TRIM33: variants seen among roughly 807,000 people sequenced by gnomAD.
TRIM33 encodes E3 ubiquitin-protein ligase TRIM33.
TRIM33 carries 20 observed loss-of-function variants against 125.4 expected under a neutral mutation model. The ratio of observed to expected loss-of-function variants is 0.16; its 90% CI spans 0.11 to 0.23. The LOEUF is 0.23. TRIM33 is among the 10% of genes least tolerant of loss of function. TRIM33 has a pLI of 1.00. For missense variants in TRIM33, 920 were observed against 1,411.4 expected, an observed-to-expected ratio of 0.65 and a Z score of 5.58; for synonymous variants, 564 against 513.9, an observed-to-expected ratio of 1.10 and a Z score of -1.32.
intron 4 of TRIM33, among the ~76,000 whole-genome samples, chr1:114,454,098 T>C (rs554372192): frequency 2.0e-4 from 31 of 152,168 alleles, no homozygotes; most frequent in Admixed American, 1.1e-3. Context: ...ATCTTACAAG[T>C]GGTGTCAGAA....
intron 11 of TRIM33, among the ~76,000 whole-genome samples, chr1:114,417,721 C>T (rs549799713): frequency 5.3e-5 from 8 of 152,206 alleles, no homozygotes; most frequent in African/African-American, 1.4e-4. Context: ...TGCAATGGCG[C>T]GATCTCGGCT....
intron 4 of TRIM33, among the ~76,000 whole-genome samples, chr1:114,460,541 T>C (rs1371083198): frequency 1.3e-5 from 2 of 149,092 alleles, no homozygotes; most frequent in Non-Finnish European, 3.0e-5. Context: ...GGCATGATAA[T>C]GAGGCTCCCT....
In TRIM33 at chr1:114,410,240, G is replaced by A. The variant is rs910064323; in HGVS notation, c.2138C>T (p.Pro713Leu). ...TGGAGAAGGATTCATGGTGCTTGTA[G>A]GCTGTGGGGGTAGGTGACTGCCTGA... is the stretch of plus-strand genomic sequence containing the variant. ...YISGSHLPPQ[P>L]TSTMNPSPGP... The change falls in exon 12 of 20, where the codon CCT becomes CTT. Residue 713 changes from proline to leucine, a missense_variant. Transcript: ENST00000358465. 6.2e-7 allele frequency: 1 copy of A among 1,614,032 alleles called. No individual in the cohort carries two copies. The highest frequency in any genetic ancestry group is 8.5e-7 in the Non-Finnish European group (1 of 1,179,966).
chr1:114,438,910 A>G (rs934290163), intron 4 of TRIM33, among the ~76,000 whole-genome samples: 4 of 152,208 alleles, frequency 2.6e-5, no homozygotes, highest in Non-Finnish European at 5.9e-5. Flanking sequence ...TGAAGGGGAG[A>G]TGATAACAAC....
chr1:114,510,098 C>T (rs2101594794), intron 1 of TRIM33, among the ~76,000 whole-genome samples: 1 of 152,228 alleles, frequency 6.6e-6, no homozygotes, highest in East Asian at 1.9e-4. Flanking sequence ...CTCCTCTCTC[C>T]TATCTGTGAA....
rs1651579480 is a variant in TRIM33 at position 114,397,164 on chromosome 1, T to G, written c.*484A>C. The G allele has an allele frequency of 4.3e-6, 1 of 230,294 alleles. No homozygotes were observed. The highest frequency in any genetic ancestry group is 8.6e-6 in the Non-Finnish European group (1 of 115,680). The allele number at this position is 230,294 out of a possible 1,614,324, so 14.3% of individuals were successfully genotyped here. ...TCTGCACTGACATTAAAGTAGAATC[T>G]GAGCTACTTGGGTTTTTAACTAGAA... is the stretch of plus-strand genomic sequence containing the variant. On this transcript the variant is annotated 3_prime_UTR_variant, in exon 20 of 20. Coordinates refer to ENST00000358465, the MANE Select transcript of TRIM33 (RefSeq NM_015906.4).
intron 1 of TRIM33, among the ~76,000 whole-genome samples, chr1:114,489,021 G>A (rs1221931774): frequency 6.6e-6 from 1 of 152,188 alleles, no homozygotes; most frequent in Non-Finnish European, 1.5e-5. Flanking sequence ...CTGCACTACA[G>A]CCTGGGTGAC....
intron 1 of TRIM33, among the ~76,000 whole-genome samples, chr1:114,505,492 C>CTACATTCAGAGGTTTTCCCTCCCACT (rs1652944325): frequency 6.6e-6 from 1 of 151,250 alleles, no homozygotes; most frequent in African/African-American, 2.4e-5. Context: ...GCTCTTCACA[C>CTACATTCAGAGGTTTTCCCTCCCACT]TACACTCAGA....
intron 4 of TRIM33, among the ~76,000 whole-genome samples, chr1:114,447,005 G>A (rs879594518): frequency 2.6e-5 from 4 of 152,290 alleles, no homozygotes; most frequent in Admixed American, 2.6e-4. Flanking sequence ...GAAAGCCAGT[G>A]TAGCTGTAGC....
chr1:114,495,323 G>C (rs2101549627), intron 1 of TRIM33, among the ~76,000 whole-genome samples: 1 of 152,154 alleles, frequency 6.6e-6, no homozygotes, highest in Middle Eastern at 3.4e-3. Context: ...TGTGCTATCA[G>C]CTTAACATGG....
chr1:114,466,749 T>C (rs1299620113), intron 1 of TRIM33, among the ~76,000 whole-genome samples: 1 of 152,176 alleles, frequency 6.6e-6, no homozygotes, highest in Non-Finnish European at 1.5e-5. Flanking sequence ...CTTTTCTCTT[T>C]GCTGATTTTA....
chr1:114,414,505 AAT>A (rs1652805773), intron 11 of TRIM33, among the ~76,000 whole-genome samples: 1 of 152,046 alleles, frequency 6.6e-6, no homozygotes, highest in South Asian at 2.1e-4. Flanking sequence ...CCTTTTTCCT[AAT>A]AAAATTTACT....
intron 1 of TRIM33, among the ~76,000 whole-genome samples, chr1:114,485,586 G>A (rs1651632413): frequency 6.6e-6 from 1 of 152,116 alleles, no homozygotes; most frequent in Non-Finnish European, 1.5e-5. Flanking sequence ...TGACAAGGTG[G>A]TATGAGTTGG....
chr1:114,399,414 A>G, intron 18 of TRIM33, 43 bp downstream of exon 18: 2 of 1,552,164 alleles, frequency 1.3e-6, no homozygotes, highest in Non-Finnish European at 1.7e-6. Flanking sequence ...GAAACAAACA[A>G]AAACTAACAA....
At chr1:114,458,218 C>T (rs1168250649) in intron 4 of TRIM33, among the ~76,000 whole-genome samples, 1 of 152,162 alleles carries the variant, frequency 6.6e-6, no homozygotes, top group Admixed American at 6.5e-5. Flanking sequence ...ACAGTAGGAG[C>T]CTAAATTCTG....
chr1:114,440,952 T>C (rs562494442), intron 4 of TRIM33, among the ~76,000 whole-genome samples: 1 of 152,340 alleles, frequency 6.6e-6, no homozygotes, highest in African/African-American at 2.4e-5. Context: ...ACACAGTTTC[T>C]TTAGGTATAC....
At chr1:114,421,322 G>A in intron 11 of TRIM33, 114 bp downstream of exon 11, 2 of 1,028,754 alleles carry the variant, frequency 1.9e-6, no homozygotes, top group Non-Finnish European at 2.9e-6. Flanking sequence ...TTACTCTTCA[G>A]AAATTTCAAG....
chr1:114,450,496 C>T (rs1649245291), intron 4 of TRIM33, among the ~76,000 whole-genome samples: 2 of 152,100 alleles, frequency 1.3e-5, no homozygotes. Flanking sequence ...CACACCCGGA[C>T]TAACGTTCCT....
intron 1 of TRIM33, among the ~76,000 whole-genome samples, chr1:114,501,183 C>T (rs1308196300): frequency 1.6e-5 from 1 of 60,742 alleles, no homozygotes; most frequent in East Asian, 2.2e-4. Flanking sequence ...GAGCGAGACT[C>T]CGTCTCAAAA....
Sources: allele counts gnomAD v4.1 joint callset (sites outside exome capture counted in the v4.1 genomes callset), GRCh38; gene constraint gnomAD v4.1.1; transcripts MANE v1.5; gene names NCBI Gene and HGNC (gene_info 2026-07-23, HGNC 2026-07-21).